The following C2orf76 variants were observed in gnomAD, a reference collection of about 807,000 sequenced individuals.
The protein encoded by C2orf76 is chromosome 2 open reading frame 76.
A neutral mutation model predicts 16.9 loss-of-function variants in C2orf76; 23 were observed. That is an observed-to-expected ratio of 1.36 (90% CI 0.98 to 1.93). The LOEUF (loss-of-function observed/expected upper bound fraction) is 1.93. C2orf76 is among the 30% of genes most tolerant of loss of function. C2orf76 has a pLI of 0.00. For missense variants in C2orf76, 152 were observed against 152.6 expected (o/e 1.00, Z 0.02); for synonymous variants, 48 against 52.3 (o/e 0.92, Z 0.35).
intron 2 of C2orf76, among the ~76,000 whole-genome samples, chr2:119,322,898 A>G (rs1038776340): frequency 1.3e-5 from 2 of 152,232 alleles, no homozygotes; most frequent in Non-Finnish European, 2.9e-5. Flanking sequence ...GACAGAGACC[A>G]GAAGGGTAAA....
At chr2:119,310,245 T>C (rs372559898) in intron 5 of C2orf76, among the ~76,000 whole-genome samples, 1 of 152,236 alleles carries the variant, frequency 6.6e-6, no homozygotes, top group African/African-American at 2.4e-5. Context: ...TTATGGGTGC[T>C]ACATGCCCCA....
At chr2:119,327,889 A>C (rs1679559455) in intron 2 of C2orf76, among the ~76,000 whole-genome samples, 4 of 151,892 alleles carry the variant, frequency 2.6e-5, no homozygotes, top group African/African-American at 9.6e-5. Context: ...GATTTACTAA[A>C]GTTTGGGCAA....
At chr2:119,301,149 A>G (rs1381194090), downstream of C2orf76, among the ~76,000 whole-genome samples, 1 of 151,338 alleles carries the variant, frequency 6.6e-6, no homozygotes, top group Non-Finnish European at 1.5e-5. Context: ...TTTTTCTGCT[A>G]TTCTTAAAAT....
At chr2:119,306,918 C>A (rs1230551348) in intron 5 of C2orf76, among the ~76,000 whole-genome samples, 1 of 152,062 alleles carries the variant, frequency 6.6e-6, no homozygotes, top group Non-Finnish European at 1.5e-5. Flanking sequence ...CCCTAATTTC[C>A]CCACTTGCAG....
At chr2:119,309,602 TG>T in intron 5 of C2orf76, among the ~76,000 whole-genome samples, 1 of 152,026 alleles carries the variant, frequency 6.6e-6, no homozygotes, top group South Asian at 2.1e-4. Context: ...GTATTTTTAG[TG>T]AAGATGGGAT....
chr2:119,355,427 TC>T (rs1680540503), intron 1 of C2orf76, among the ~76,000 whole-genome samples: 1 of 152,166 alleles, frequency 6.6e-6, no homozygotes, highest in South Asian at 2.1e-4. Flanking sequence ...GACATCTCAC[TC>T]CAGGGTAAGG....
chr2:119,325,893 A>G (rs1679494678), intron 2 of C2orf76, among the ~76,000 whole-genome samples: 1 of 152,116 alleles, frequency 6.6e-6, no homozygotes, highest in South Asian at 2.1e-4. Context: ...TATTTTGCCC[A>G]CTTTTAATTG....
intron 2 of C2orf76, among the ~76,000 whole-genome samples, chr2:119,327,336 A>ATTTTTTTT (rs34185420): frequency 7.3e-5 from 5 of 68,674 alleles, no homozygotes; most frequent in East Asian, 5.3e-4. Context: ...AATTACATGG[A>ATTTTTTTT]TTTTTTTTTT....
intron 4 of C2orf76, among the ~76,000 whole-genome samples, chr2:119,312,023 A>C (rs905272712): frequency 1.3e-5 from 2 of 152,122 alleles, no homozygotes; most frequent in Non-Finnish European, 2.9e-5. Context: ...CATTGGTAGA[A>C]AAGGGGAGGA....
the C2orf76 span, among the ~76,000 whole-genome samples, chr2:119,284,055 C>T: frequency 5.3e-5 from 8 of 152,298 alleles, no homozygotes; most frequent in East Asian, 1.4e-3. Context: ...GAGAGGAAAG[C>T]GGTTTTAGAC....
chr2:119,337,283 C>T (rs1679881167), intron 2 of C2orf76, among the ~76,000 whole-genome samples: 1 of 148,618 alleles, frequency 6.7e-6, no homozygotes, highest in South Asian at 2.2e-4. Context: ...GTTGCCCTGG[C>T]TGGTCTCAAG....
chr2:119,285,872 A>G, the C2orf76 span, among the ~76,000 whole-genome samples: 13 of 152,254 alleles, frequency 8.5e-5, no homozygotes, highest in East Asian at 2.5e-3. Context: ...TGGAGATGCA[A>G]GAGTAAGCCT....
chr2:119,288,387 AC>A, the C2orf76 span, among the ~76,000 whole-genome samples: 1 of 151,834 alleles, frequency 6.6e-6, no homozygotes, highest in South Asian at 2.1e-4. Context: ...CTCGTGATCC[AC>A]CCACCTCAGC....
Position 119,361,670 on chromosome 2 carries a change from A to T in C2orf76, c.-13+5120T>A, listed in dbSNP as rs1019658282. Reference sequence around the variant, plus strand: ...TCCATGGATTTTTGGCATCCATAGGAGGTCATGGAACCAATCCCCCACAGA... The same window carrying T: ...TCCATGGATTTTTGGCATCCATAGGTGGTCATGGAACCAATCCCCCACAGA... On this transcript the variant is annotated intron_variant, in intron 1 of 5. Transcript: ENST00000334816. Among the ~76,000 whole-genome samples, 11 of 152,134 alleles carry T rather than the reference A, an allele frequency of 7.2e-5. 1 individual carries two copies. The highest frequency in any genetic ancestry group is 2.7e-4 in the African/African-American group (11 of 41,402).
At chr2:119,329,512 G>A (rs190962709) in intron 2 of C2orf76, among the ~76,000 whole-genome samples, 14 of 152,186 alleles carry the variant, frequency 9.2e-5, no homozygotes, top group African/African-American at 2.4e-4. Context: ...TATTGATATG[G>A]TTAAAGTTTG....
At chr2:119,329,344 T>C (rs1679602898) in intron 2 of C2orf76, among the ~76,000 whole-genome samples, 1 of 152,226 alleles carries the variant, frequency 6.6e-6, no homozygotes, top group Non-Finnish European at 1.5e-5. Context: ...CCACTTTTCT[T>C]TGGATTCATA....
chr2:119,297,036 A>G, the C2orf76 span, among the ~76,000 whole-genome samples: 8 of 152,204 alleles, frequency 5.3e-5, no homozygotes, highest in Non-Finnish European at 1.0e-4. Context: ...CCTTGCTCCA[A>G]AATGAAGTTG....
chr2:119,290,702 C>T, the C2orf76 span, among the ~76,000 whole-genome samples: 5 of 151,962 alleles, frequency 3.3e-5, no homozygotes, highest in African/African-American at 7.2e-5. Flanking sequence ...TGGCATTGCA[C>T]GCTTGTAATC....
chr2:119,349,925 T>G (rs1321564180), intron 1 of C2orf76, among the ~76,000 whole-genome samples: 2 of 152,142 alleles, frequency 1.3e-5, no homozygotes, highest in African/African-American at 4.8e-5. Flanking sequence ...CCATAAATGT[T>G]CTTTTTAAAA....
Sources: allele counts gnomAD v4.1 joint callset (sites outside exome capture counted in the v4.1 genomes callset), GRCh38; gene constraint gnomAD v4.1.1; transcripts MANE v1.5; gene names NCBI Gene and HGNC (gene_info 2026-07-23, HGNC 2026-07-21).